The following HDGFL3 variants were observed in gnomAD, a reference collection of about 807,000 sequenced individuals.
The protein encoded by HDGFL3 is HDGF like 3, also known as hepatoma-derived growth factor-related protein 3.
Under a neutral mutation model 27.6 loss-of-function variants are expected in HDGFL3, and 6 were observed. The ratio of observed to expected loss-of-function variants is 0.22; its 90% CI spans 0.12 to 0.43. HDGFL3 has a LOEUF of 0.43. Ranked by LOEUF, HDGFL3 falls within the 20% of genes least tolerant of loss-of-function variation. HDGFL3 has a pLI of 1.00. For synonymous variants in HDGFL3, 88 were observed against 88.9 expected, an observed-to-expected ratio of 0.99 and a Z score of 0.05; for missense variants, 207 against 250.1, an observed-to-expected ratio of 0.83 and a Z score of 1.16.
intron 1 of HDGFL3, among the ~76,000 whole-genome samples, chr15:83,194,679 A>G (rs1240902280): frequency 6.6e-6 from 1 of 152,084 alleles, no homozygotes; most frequent in Middle Eastern, 3.2e-3. Flanking sequence ...CTAATTGTCA[A>G]AGTGGTTAGT....
rs538026192 is a variant in HDGFL3 at position 83,132,968 on chromosome 15, C to G, written c.*6302G>C. ...ACAAAGGGCCCAGATTTTCTACAGTCGAGCACCAGATCATGAATGGGTATT... is the reference window on the plus strand; with the variant it reads ...ACAAAGGGCCCAGATTTTCTACAGTGGAGCACCAGATCATGAATGGGTATT... On this transcript the variant is annotated 3_prime_UTR_variant, in exon 6 of 6. Coordinates refer to ENST00000299633, the MANE Select transcript of HDGFL3 (RefSeq NM_016073.4). 1.3e-5 allele frequency: 2 copies of G among 152,202 alleles called. No homozygotes were observed. Among genetic ancestry groups the G allele is most frequent in the Non-Finnish European group, 2.9e-5 (2 of 68,032 alleles). 9.4% of individuals were successfully genotyped at this position (152,202 alleles called of 1,614,324 possible).
At chr15:83,204,792 TAGAA>T (rs955019695) in intron 1 of HDGFL3, among the ~76,000 whole-genome samples, 2 of 152,180 alleles carry the variant, frequency 1.3e-5, no homozygotes, top group Non-Finnish European at 2.9e-5. Flanking sequence ...AACAGAAACT[TAGAA>T]AGATTACAGA....
chr15:83,207,281 G>A lies in HDGFL3; in HGVS notation c.84+50C>T. ...GGAAAGGGGGCGGGCGCGCCATCAT[G>A]AAGGGGAAAATGGTGGGCGGGCGGG... is the stretch of plus-strand genomic sequence containing the variant. On this transcript the variant is annotated intron_variant, in intron 1 of 5. Transcript: ENST00000299633. The surrounding 1 kb of genome is among the most constrained non-coding windows in gnomAD (Gnocchi z 4.8). 8.1e-7 allele frequency: 1 copy of A among 1,238,768 alleles called. No individual in the cohort carries two copies. Among genetic ancestry groups the A allele is most frequent in the South Asian group, 2.3e-5 (1 of 43,068 alleles). The allele number at this position is 1,238,768 out of a possible 1,614,324, so 76.7% of individuals were successfully genotyped here. A position where few individuals can be genotyped will look rare whatever the true frequency, so the allele number is the denominator to read the frequency against.
At chr15:83,118,260 CACACAT>C (rs1448692609) in intron 3 of HDGFL3, among the ~76,000 whole-genome samples, 3 of 141,008 alleles carry the variant, frequency 2.1e-5, no homozygotes, top group East Asian at 4.0e-4. Flanking sequence ...CACACACACA[CACACAT>C]ACAGAGAGAG....
intron 1 of HDGFL3, among the ~76,000 whole-genome samples, chr15:83,165,937 A>G (rs995457299): frequency 2.0e-5 from 3 of 152,080 alleles, no homozygotes; most frequent in Non-Finnish European, 4.4e-5. Context: ...ACAGTCTTTG[A>G]GAAATACAGA....
At chr15:83,171,009 A>G (rs2037240103) in intron 1 of HDGFL3, among the ~76,000 whole-genome samples, 1 of 152,180 alleles carries the variant, frequency 6.6e-6, no homozygotes, top group Admixed American at 6.5e-5. Context: ...TGCAAATCAA[A>G]ACCACAATGA....
At chr15:83,139,801 A>T (rs2151392537) in intron 5 of HDGFL3, among the ~76,000 whole-genome samples, 1 of 152,364 alleles carries the variant, frequency 6.6e-6, no homozygotes, top group East Asian at 1.9e-4. Flanking sequence ...CTTTTAAAAA[A>T]AACATAAAGA....
rs2035962691 is a variant in HDGFL3 at position 83,128,469 on chromosome 15, T to C, written c.*10801A>G. 1 of 152,214 alleles carries C rather than the reference T, an allele frequency of 6.6e-6. No homozygotes were observed. Among genetic ancestry groups the C allele is most frequent in the Non-Finnish European group, 1.5e-5 (1 of 68,042 alleles). The allele number at this position is 152,214 out of a possible 1,614,324, so 9.4% of individuals were successfully genotyped here. A position where few individuals can be genotyped will look rare whatever the true frequency, so the allele number is the denominator to read the frequency against. On this transcript the variant is annotated 3_prime_UTR_variant, in exon 6 of 6. Transcript: ENST00000299633. ...AACATTTATTGCTCTTTGCTGGTTG[T>C]TTTTCCTTTGCAGACCTCTAAATAC...
chr15:83,155,848 C>T (rs527958938), intron 4 of HDGFL3, among the ~76,000 whole-genome samples: 1 of 152,284 alleles, frequency 6.6e-6, no homozygotes, highest in South Asian at 2.1e-4. Context: ...ATAGTGAAAC[C>T]TGTACCAATC....
chr15:83,142,335 T>C (rs1250301531), intron 5 of HDGFL3, among the ~76,000 whole-genome samples: 1 of 152,214 alleles, frequency 6.6e-6, no homozygotes, highest in Non-Finnish European at 1.5e-5. Context: ...CATGGAATAC[T>C]ATGCAGCCAT....
intron 1 of HDGFL3, among the ~76,000 whole-genome samples, chr15:83,191,293 AAC>A (rs1220953494): frequency 6.6e-6 from 1 of 152,218 alleles, no homozygotes; most frequent in Admixed American, 6.5e-5. Flanking sequence ...ATAAAAAGAA[AAC>A]ACAATTAAAC....
chr15:83,157,397 G>T lies in HDGFL3; in HGVS notation c.459+18C>A. On this transcript the variant is annotated intron_variant, in intron 4 of 5. Coordinates refer to ENST00000299633, the MANE Select transcript of HDGFL3 (RefSeq NM_016073.4). ...ATATGCATATAACATTAATAACAAT[G>T]AGAAGTTTCTTAGTAACCTTTGAAG... is the stretch of plus-strand genomic sequence containing the variant. The T allele has an allele frequency of 6.2e-7, 1 of 1,606,446 alleles. No homozygotes were observed. Among genetic ancestry groups the T allele is most frequent in the South Asian group, 1.1e-5 (1 of 90,898 alleles).
At chr15:83,124,367 G>A (rs1217489566), downstream of HDGFL3, among the ~76,000 whole-genome samples, 2 of 152,070 alleles carry the variant, frequency 1.3e-5, no homozygotes, top group Non-Finnish European at 2.9e-5. Context: ...TAGTGGTGTG[G>A]CAGGTTTATG....
downstream of HDGFL3, chr15:83,126,798 A>G (rs751648528): frequency 7.4e-6 from 12 of 1,614,074 alleles, no homozygotes; most frequent in Non-Finnish European, 1.0e-5. Flanking sequence ...TTATATACGC[A>G]ATTTCAAGAG....
At chr15:83,157,110 A>G (rs2037039545) in intron 4 of HDGFL3, among the ~76,000 whole-genome samples, 1 of 152,200 alleles carries the variant, frequency 6.6e-6, no homozygotes, top group Non-Finnish European at 1.5e-5. Context: ...AATTCTTTAG[A>G]GCTCGTCTGG....
rs1253991274 is a variant in HDGFL3 at position 83,133,544 on chromosome 15, G to C, written c.*5726C>G. Reference sequence around the variant, plus strand: ...GGTGAAAATGATTTAGAATGAAGTGGAAGAAAAATTATTAGGGACTCAACC... The same window carrying C: ...GGTGAAAATGATTTAGAATGAAGTGCAAGAAAAATTATTAGGGACTCAACC... On this transcript the variant is annotated 3_prime_UTR_variant, in exon 6 of 6. Coordinates refer to ENST00000299633, the MANE Select transcript of HDGFL3 (RefSeq NM_016073.4). 1 of 152,176 alleles carries C rather than the reference G, an allele frequency of 6.6e-6. No homozygotes were observed. The highest frequency in any genetic ancestry group is 1.9e-4 in the East Asian group (1 of 5,206). The allele number at this position is 152,176 out of a possible 1,614,324, so 9.4% of individuals were successfully genotyped here. A position where few individuals can be genotyped will look rare whatever the true frequency, so the allele number is the denominator to read the frequency against.
At chr15:83,200,044 C>CAA (rs796608256) in intron 1 of HDGFL3, among the ~76,000 whole-genome samples, 904 of 83,708 alleles carry the variant, frequency 0.011, 22 homozygotes, top group African/African-American at 0.038. Context: ...AACTCCATCT[C>CAA]AAAAAAAAAA....
At position 83,128,216 on chromosome 15, in the gene HDGFL3, G is replaced by A; in HGVS notation, c.*11054C>T. 1 of 152,172 alleles carries A rather than the reference G, an allele frequency of 6.6e-6. No individual in the cohort carries two copies. The highest frequency in any genetic ancestry group is 1.9e-4 in the East Asian group (1 of 5,196). 9.4% of individuals were successfully genotyped at this position (152,172 alleles called of 1,614,324 possible). A position where few individuals can be genotyped will look rare whatever the true frequency, so the allele number is the denominator to read the frequency against. On this transcript the variant is annotated 3_prime_UTR_variant, in exon 6 of 6. Transcript: ENST00000299633. Reference sequence around the variant, plus strand: ...GAATGAGGTTCATCTAGAAACTGTAGGCTTGTACAGTCAATTATATGCATG... The same window carrying A: ...GAATGAGGTTCATCTAGAAACTGTAAGCTTGTACAGTCAATTATATGCATG...
chr15:83,198,950 T>C (rs898238117), intron 1 of HDGFL3, among the ~76,000 whole-genome samples: 1 of 152,230 alleles, frequency 6.6e-6, no homozygotes, highest in Non-Finnish European at 1.5e-5. Context: ...GCAGTGTGTG[T>C]GTGCATGCAT....
Sources: gnomAD v4.1 joint callset for allele counts (sites outside exome capture counted in the v4.1 genomes callset) on GRCh38, gnomAD v4.1.1 for gene constraint, Gnocchi (gnomAD v3.1) non-coding constraint, MANE v1.5 for transcripts, NCBI Gene and HGNC (gene_info 2026-07-23, HGNC 2026-07-21) for gene names.